Variants in MARCHF1 observed in about 807,000 individuals in gnomAD.
The protein encoded by MARCHF1 is E3 ubiquitin-protein ligase MARCHF1.
Under a neutral mutation model 54.2 loss-of-function variants are expected in MARCHF1, and 40 were observed. The observed-to-expected ratio is 0.74, with a 90% CI of 0.57 to 0.96. The LOEUF is 0.96. Ranked by LOEUF, MARCHF1 falls within the 40% of genes least tolerant of loss-of-function variation. MARCHF1 has a pLI of 0.00. For missense variants in MARCHF1, 586 were observed against 656.5 expected, an observed-to-expected ratio of 0.89 and a Z score of 1.17; for synonymous variants, 236 against 236.3, an observed-to-expected ratio of 1.00 and a Z score of 0.01.
chr4:163,990,114 G>A (rs1002352236), intron 2 of MARCHF1, among the ~76,000 whole-genome samples: 4 of 152,182 alleles, frequency 2.6e-5, no homozygotes, highest in African/African-American at 9.6e-5. Context: ...AACAATATAT[G>A]TAAAGACTGA....
chr4:163,604,417 CA>C (rs1741077942), intron 7 of MARCHF1, among the ~76,000 whole-genome samples: 3 of 152,032 alleles, frequency 2.0e-5, no homozygotes, highest in Admixed American at 2.0e-4. Context: ...AGTTCGTGAC[CA>C]ATTCTTGCTT....
chr4:164,151,349 C>T (rs1366818451), intron 1 of MARCHF1, among the ~76,000 whole-genome samples: 2 of 152,138 alleles, frequency 1.3e-5, no homozygotes, highest in African/African-American at 4.8e-5. Flanking sequence ...CGGAAACTAC[C>T]ACCAGTGCCA....
chr4:164,179,129 A>G (rs1322313495), intron 1 of MARCHF1, among the ~76,000 whole-genome samples: 1 of 152,164 alleles, frequency 6.6e-6, no homozygotes, highest in Non-Finnish European at 1.5e-5. Context: ...TGGTTTATCA[A>G]TGAGCACTGA....
intron 3 of MARCHF1, among the ~76,000 whole-genome samples, chr4:163,948,557 C>T (rs1033772707): frequency 6.6e-5 from 10 of 152,084 alleles, no homozygotes; most frequent in East Asian, 3.9e-4. Context: ...AAAGACTGAT[C>T]GAGGATAGGT....
intron 1 of MARCHF1, among the ~76,000 whole-genome samples, chr4:164,254,170 C>T (rs115015632): frequency 3.3e-5 from 5 of 151,918 alleles, no homozygotes; most frequent in Non-Finnish European, 7.4e-5. Flanking sequence ...GGCGTGATCT[C>T]GGCTCTGAGT....
chr4:164,188,911 T>C, intron 1 of MARCHF1: 1 of 770,196 alleles, frequency 1.3e-6, no homozygotes, highest in Non-Finnish European at 2.4e-6. Flanking sequence ...ATTTCAATGA[T>C]GCCCAATGCG....
At chr4:164,318,205 C>CA (rs1453677769) in intron 1 of MARCHF1, among the ~76,000 whole-genome samples, 1 of 152,068 alleles carries the variant, frequency 6.6e-6, no homozygotes, top group African/African-American at 2.4e-5. Context: ...AGTAATTGTT[C>CA]AAAAAATGTT....
At chr4:163,989,926 G>A (rs1752941614) in intron 2 of MARCHF1, among the ~76,000 whole-genome samples, 1 of 152,066 alleles carries the variant, frequency 6.6e-6, no homozygotes, top group Non-Finnish European at 1.5e-5. Flanking sequence ...TTATAAGTTA[G>A]AATTTTTCCC....
At chr4:164,086,501 T>C (rs1401800336) in intron 2 of MARCHF1, among the ~76,000 whole-genome samples, 1 of 152,040 alleles carries the variant, frequency 6.6e-6, no homozygotes, top group African/African-American at 2.4e-5. Context: ...CCAGTTATTA[T>C]GAGTGATATT....
rs553303119 is a variant in MARCHF1, at chr4:164,241,064, AT to A, written c.-322-129403del. Among the ~76,000 whole-genome samples, 589 of 151,898 alleles carry A rather than the reference AT, an allele frequency of 3.9e-3. 1 individual carries two copies. The highest frequency in any genetic ancestry group is 0.014 in the African/African-American group (564 of 41,426). On this transcript the variant is annotated intron_variant, in intron 1 of 9. Coordinates refer to ENST00000514618, the MANE Select transcript of MARCHF1 (RefSeq NM_001394959.1). ...AAAACCTAAGATTGGTCTTTCAGAG[AT>A]TTTTTTTAGACTTTTGCATTAAGGC...
chr4:163,872,767 G>A (rs905001285), intron 3 of MARCHF1, among the ~76,000 whole-genome samples: 29 of 152,054 alleles, frequency 1.9e-4, no homozygotes, highest in Non-Finnish European at 3.5e-4. Context: ...GAAGTCGGCC[G>A]GGCGCGGTGG....
At chr4:163,678,316 T>C (rs1251842018) in intron 5 of MARCHF1, among the ~76,000 whole-genome samples, 1 of 152,226 alleles carries the variant, frequency 6.6e-6, no homozygotes, top group Non-Finnish European at 1.5e-5. Flanking sequence ...TACATTATGA[T>C]TAAATAACAC....
At chr4:164,185,872 G>T (rs1730957238) in intron 1 of MARCHF1, among the ~76,000 whole-genome samples, 1 of 151,970 alleles carries the variant, frequency 6.6e-6, no homozygotes, top group Non-Finnish European at 1.5e-5. Flanking sequence ...ATTTTATTGA[G>T]GGTTTAATAA....
intron 2 of MARCHF1, among the ~76,000 whole-genome samples, chr4:164,047,693 G>A (rs1206811761): frequency 6.6e-6 from 1 of 152,118 alleles, no homozygotes; most frequent in African/African-American, 2.4e-5. Context: ...AAAGACCCTT[G>A]TGTGTCATTT....
At chr4:163,669,264 G>C (rs1203460491) in intron 5 of MARCHF1, among the ~76,000 whole-genome samples, 1 of 152,110 alleles carries the variant, frequency 6.6e-6, no homozygotes, top group African/African-American at 2.4e-5. Flanking sequence ...TTATTAGTAA[G>C]AGTGCTTCTC....
chr4:163,719,636 C>A (rs1333029810), intron 4 of MARCHF1, among the ~76,000 whole-genome samples: 1 of 151,928 alleles, frequency 6.6e-6, no homozygotes, highest in Non-Finnish European at 1.5e-5. Flanking sequence ...AACTAGTTTA[C>A]AGTCCCACCA....
intron 4 of MARCHF1, among the ~76,000 whole-genome samples, chr4:163,739,888 C>CT (rs1746147380): frequency 1.3e-5 from 2 of 152,138 alleles, no homozygotes; most frequent in African/African-American, 4.8e-5. Context: ...CATTACACAC[C>CT]TTACAGTGGA....
At chr4:163,730,636 T>C (rs1745798533) in intron 4 of MARCHF1, among the ~76,000 whole-genome samples, 2 of 152,228 alleles carry the variant, frequency 1.3e-5, no homozygotes, top group African/African-American at 2.4e-5. Context: ...GTTACATATG[T>C]ATACATGTGC....
chr4:164,302,180 G>C (rs1021446634), intron 1 of MARCHF1, among the ~76,000 whole-genome samples: 1 of 152,132 alleles, frequency 6.6e-6, no homozygotes, highest in African/African-American at 2.4e-5. Context: ...TTCCAATTGA[G>C]CACTGCAGAA....
Sources: allele counts gnomAD v4.1 joint callset (sites outside exome capture counted in the v4.1 genomes callset), GRCh38; gene constraint gnomAD v4.1.1; transcripts MANE v1.5; gene names NCBI Gene and HGNC (gene_info 2026-07-23, HGNC 2026-07-21).